The following SPAM1 variants were observed in gnomAD, a reference collection of about 807,000 sequenced individuals.
The protein encoded by SPAM1 is sperm adhesion molecule 1, also known as hyaluronidase PH-20.
SPAM1 carries 22 observed loss-of-function variants against 29.6 expected under a neutral mutation model. The ratio of observed to expected loss-of-function variants is 0.74; its 90% CI spans 0.53 to 1.06. SPAM1 has a LOEUF of 1.06. Among genes scored for constraint, SPAM1 ranks in the 50% least tolerant of loss-of-function variants. The probability of loss-of-function intolerance (pLI) is 0.00; values close to 1 mark genes in which losing one functional copy is unlikely to be tolerated. For synonymous variants in SPAM1, 194 were observed against 204.6 expected, an observed-to-expected ratio of 0.95 and a Z score of 0.44; for missense variants, 534 against 604.0, an observed-to-expected ratio of 0.88 and a Z score of 1.21.
intron 3 of SPAM1, among the ~76,000 whole-genome samples, chr7:123,954,744 T>G (rs1792209840): frequency 6.6e-6 from 1 of 151,990 alleles, no homozygotes. Flanking sequence ...TTAGGTAGTA[T>G]AGACAGTGTA....
chr7:123,933,340 G>A (rs1808149802), intron 1 of SPAM1, among the ~76,000 whole-genome samples: 1 of 151,964 alleles, frequency 6.6e-6, no homozygotes, highest in African/African-American at 2.4e-5. Context: ...CTGTTCCTGT[G>A]TTATTGAGAC....
rs187254248 is a variant in SPAM1 at position 123,951,385 on chromosome 7, A to G, written c.-207+1402A>G. On this transcript the variant is annotated intron_variant, in intron 2 of 4. Transcript: ENST00000682466. ...TGTCAGCTTTTCTCTGTAAACAGGT[A>G]AAGTTCTCTATTAGATACTTCAAAC... is the stretch of plus-strand genomic sequence containing the variant. Among the ~76,000 whole-genome samples, 22 of 152,258 alleles carry G rather than the reference A, an allele frequency of 1.4e-4. 1 individual carries two copies. The East Asian group carries it at 4.3e-3, about 29-fold the overall frequency.
intron 5 of SPAM1, among the ~76,000 whole-genome samples, chr7:123,966,486 C>T (rs1792426415): frequency 6.6e-6 from 1 of 151,974 alleles, no homozygotes; most frequent in Non-Finnish European, 1.5e-5. Context: ...TTCATTGCAG[C>T]CTTATTCACA....
chr7:123,954,981 C>T lies in SPAM1; in HGVS notation c.955-16C>T. The T allele has an allele frequency of 6.3e-7, 1 of 1,587,994 alleles. No individual in the cohort carries two copies. The highest frequency in any genetic ancestry group is 8.6e-7 in the Non-Finnish European group (1 of 1,157,052). ...TTTCATTTTTATCTGCTAACTCTTT[C>T]TGTCACATTTTCCAGGATGAACTTG... is the stretch of plus-strand genomic sequence containing the variant. On this transcript the variant is annotated splice_polypyrimidine_tract_variant and intron_variant, in intron 3 of 4. Coordinates refer to ENST00000682466, the MANE Select transcript of SPAM1 (RefSeq NM_153189.3).
At chr7:123,954,888 A>G (rs1584959782) in intron 3 of SPAM1, 109 bp from the exon 4 acceptor site, 3 of 720,706 alleles carry the variant, frequency 4.2e-6, no homozygotes, top group East Asian at 5.2e-5. Flanking sequence ...GTGGGGAAAT[A>G]TTAAAATTAT....
chr7:123,926,975 A>G (rs1807906506), intron 1 of SPAM1, among the ~76,000 whole-genome samples: 1 of 152,132 alleles, frequency 6.6e-6, no homozygotes, highest in Admixed American at 6.5e-5. Flanking sequence ...GGGGAAGGGG[A>G]TTCTCTATAG....
At chr7:123,938,243 C>T (rs1808318479) in intron 1 of SPAM1, among the ~76,000 whole-genome samples, 2 of 152,266 alleles carry the variant, frequency 1.3e-5, no homozygotes, top group Admixed American at 1.3e-4. Flanking sequence ...ACTGGGACTA[C>T]AGACACATAC....
chr7:123,937,536 G>T (rs1386437882), intron 1 of SPAM1, among the ~76,000 whole-genome samples: 1 of 144,898 alleles, frequency 6.9e-6, no homozygotes, highest in African/African-American at 2.6e-5. Context: ...GGGAGGCGGA[G>T]CTTGCAGTGA....
chr7:123,963,228 G>A (rs1217687870), downstream of SPAM1, among the ~76,000 whole-genome samples: 1 of 151,768 alleles, frequency 6.6e-6, no homozygotes, highest in African/African-American at 2.4e-5. Flanking sequence ...GAACAACACT[G>A]GTCTTTATAC....
chr7:123,951,767 G>GC lies in SPAM1; in HGVS notation c.-206-1596dup, dbSNP rs1195817979. Among the ~76,000 whole-genome samples the GC allele has an allele frequency of 2.0e-5, 3 of 152,116 alleles. No homozygotes were observed. The East Asian group carries it at 5.8e-4, about 30-fold the overall frequency. Reference sequence around the variant, plus strand: ...CTCCTGAGTAGCTGGGATTACAGAAGCCTACCACCATGCTTGGCTAATTTT... The same window carrying GC: ...CTCCTGAGTAGCTGGGATTACAGAAGCCCTACCACCATGCTTGGCTAATTTT... On this transcript the variant is annotated intron_variant, in intron 2 of 4. Coordinates refer to ENST00000682466, the MANE Select transcript of SPAM1 (RefSeq NM_153189.3).
intron 4 of SPAM1, among the ~76,000 whole-genome samples, chr7:123,957,204 T>A (rs1018468851): frequency 6.6e-6 from 1 of 151,992 alleles, no homozygotes; most frequent in African/African-American, 2.4e-5. Flanking sequence ...ATATGGTAAG[T>A]GCTATACAGA....
chr7:123,969,687 T>G (rs1792472432), intron 5 of SPAM1, among the ~76,000 whole-genome samples: 1 of 152,044 alleles, frequency 6.6e-6, no homozygotes, highest in South Asian at 2.1e-4. Context: ...CTCTTTTGGT[T>G]ACTATAACCT....
intron 1 of SPAM1, among the ~76,000 whole-genome samples, chr7:123,943,091 T>G (rs1291830703): frequency 2.6e-5 from 4 of 152,210 alleles, no homozygotes; most frequent in Non-Finnish European, 5.9e-5. Context: ...AGAAAAGTTT[T>G]TCTTACCTCT....
Position 123,959,837 on chromosome 7 carries a change from T to C in SPAM1, c.1398T>C (p.Asp466=), listed in dbSNP as rs753779870. The C allele has an allele frequency of 2.5e-6, 4 of 1,613,278 alleles. No individual in the cohort carries two copies. In the East Asian group the frequency reaches 6.7e-5, roughly 27 times the overall value. ...DVCIADGVCI[D]AFLKPPMETE... is the part of the protein sequence containing the mutation. ...GTATTGCTGATGGTGTCTGTATAGA[T>C]GCTTTTCTAAAACCTCCCATGGAGA... Residue 466 remains aspartate (D), a synonymous_variant, in exon 5 of 5, where the codon GAT becomes GAC. Coordinates refer to ENST00000682466, the MANE Select transcript of SPAM1 (RefSeq NM_153189.3).
At chr7:123,962,923 A>G (rs985293423), downstream of SPAM1, among the ~76,000 whole-genome samples, 1 of 151,832 alleles carries the variant, frequency 6.6e-6, no homozygotes. Flanking sequence ...ATAGCAATAT[A>G]TTTTGGGTGT....
intron 1 of SPAM1, among the ~76,000 whole-genome samples, chr7:123,933,092 T>C (rs1199815982): frequency 6.6e-6 from 1 of 152,058 alleles, no homozygotes. Flanking sequence ...CCAGGATACA[T>C]GTGCAGAATG....
chr7:123,949,471 T>G (rs1265690845), intron 1 of SPAM1, among the ~76,000 whole-genome samples: 1 of 152,200 alleles, frequency 6.6e-6, no homozygotes, highest in East Asian at 1.9e-4. Context: ...GCAAACTTAT[T>G]TACATGTTGC....
intron 1 of SPAM1, among the ~76,000 whole-genome samples, chr7:123,926,816 G>A (rs991142234): frequency 6.6e-6 from 1 of 152,196 alleles, no homozygotes; most frequent in Non-Finnish European, 1.5e-5. Context: ...AAAGGATTAT[G>A]GAGACCAAGT....
At chr7:123,969,667 A>AC (rs1471187815) in intron 5 of SPAM1, among the ~76,000 whole-genome samples, 1 of 151,872 alleles carries the variant, frequency 6.6e-6, no homozygotes, top group East Asian at 1.9e-4. Flanking sequence ...TTATACCAAT[A>AC]CCATGCTCTC....
Sources: allele counts gnomAD v4.1 joint callset (sites outside exome capture counted in the v4.1 genomes callset), GRCh38; gene constraint gnomAD v4.1.1; transcripts MANE v1.5; gene names NCBI Gene and HGNC (gene_info 2026-07-23, HGNC 2026-07-21).